SOHLH2: variants seen among roughly 807,000 people sequenced by gnomAD.
SOHLH2 encodes the protein spermatogenesis and oogenesis specific basic helix-loop-helix 2.
A neutral mutation model predicts 50.4 loss-of-function variants in SOHLH2; 22 were observed. That is an observed-to-expected ratio of 0.44 (90% CI 0.31 to 0.62). SOHLH2 has a LOEUF of 0.62. Among genes scored for constraint, SOHLH2 ranks in the 20% least tolerant of loss-of-function variants. SOHLH2 has a pLI of 0.08. For synonymous variants in SOHLH2, 185 were observed against 187.3 expected, an observed-to-expected ratio of 0.99 and a Z score of 0.10; for missense variants, 412 against 504.4, an observed-to-expected ratio of 0.82 and a Z score of 1.76.
At chr13:36,174,281 A>T (rs898592348) in intron 8 of SOHLH2, among the ~76,000 whole-genome samples, 195 bp downstream of exon 8, 7 of 152,152 alleles carry the variant, frequency 4.6e-5, no homozygotes, top group Admixed American at 1.3e-4. Context: ...ATGATGAAAA[A>T]ACCATGGACC....
In SOHLH2 at chr13:36,170,728, T is replaced by A. The variant is rs775476796; in HGVS notation, c.1060A>T (p.Ser354Cys). The change falls in exon 10 of 11, where the codon AGT (serine) becomes TGT (cysteine). Residue 354 changes from serine to cysteine, a missense_variant. By Grantham distance (112) the Ser-to-Cys change is moderately radical. Transcript: ENST00000379881. ...AAGGAATTCAGAGACAGCGCTGCAC[T>A]GGAAATGTGAGTTTTATATGGATCA... Reference protein sequence around the residue: ...IGDPYKTHISSAALSLNSLHT... With the variant: ...IGDPYKTHISCAALSLNSLHT... 1 of 1,614,212 alleles carries A rather than the reference T, an allele frequency of 6.2e-7. No homozygotes were observed. Among genetic ancestry groups the A allele is most frequent in the South Asian group, 1.1e-5 (1 of 91,082 alleles).
chr13:36,208,980 G>C (rs1868943794), intron 1 of SOHLH2, among the ~76,000 whole-genome samples: 2 of 152,132 alleles, frequency 1.3e-5, no homozygotes, highest in South Asian at 4.1e-4. Context: ...TCTAGGCTGT[G>C]TTTAAGTATA....
intron 6 of SOHLH2, among the ~76,000 whole-genome samples, chr13:36,189,303 C>T (rs919928267): frequency 6.6e-6 from 1 of 152,070 alleles, no homozygotes; most frequent in Non-Finnish European, 1.5e-5. Flanking sequence ...TAGCAACTGC[C>T]CAACAGACTA....
At chr13:36,171,047 G>A (rs1023806611) in intron 9 of SOHLH2, among the ~76,000 whole-genome samples, 10 of 152,168 alleles carry the variant, frequency 6.6e-5, no homozygotes, top group African/African-American at 2.4e-4. Flanking sequence ...GCCTTCTGAT[G>A]TATGTGAATG....
intron 1 of SOHLH2, among the ~76,000 whole-genome samples, chr13:36,206,227 T>G (rs543883830): frequency 4.0e-4 from 61 of 152,106 alleles, no homozygotes; most frequent in African/African-American, 1.4e-3. Flanking sequence ...GTGGTAAGTG[T>G]GGATTATCAG....
chr13:36,206,895 T>C (rs1490434357), intron 1 of SOHLH2, among the ~76,000 whole-genome samples: 1 of 151,442 alleles, frequency 6.6e-6, no homozygotes, highest in Non-Finnish European at 1.5e-5. Context: ...TAACAACATA[T>C]GTAATCTATG....
intron 1 of SOHLH2, among the ~76,000 whole-genome samples, chr13:36,207,974 T>A (rs1182922389): frequency 2.0e-5 from 3 of 152,188 alleles, no homozygotes; most frequent in Non-Finnish European, 4.4e-5. Context: ...CACTGTTAAG[T>A]CACTTGTTTA....
rs1018968359 is a variant in SOHLH2, at chr13:36,202,015, T to C, written c.127A>G (p.Ile43Val). The C allele has an allele frequency of 5.6e-5, 91 of 1,614,112 alleles. No homozygotes were observed. Among genetic ancestry groups the C allele is most frequent in the Non-Finnish European group, 7.5e-5 (89 of 1,180,044 alleles). Residue 43 changes from isoleucine (I) to valine (V), a missense_variant, in exon 2 of 11, where the codon ATA becomes GTA. By Grantham distance (29) the Ile-to-Val change is conservative (BLOSUM62 3). Coordinates refer to ENST00000379881, the MANE Select transcript of SOHLH2 (RefSeq NM_017826.3). ...ADTVQKLFAN[I>V]AEVTITISDT... ...CTGATGGTGATGGTGACTTCTGCTA[T>C]GTTTGCAAATAGTTTCTGTACAGTA...
Position 36,170,632 on chromosome 13 carries a change from A to G in SOHLH2, c.1156T>C (p.Ser386Pro). ...DATAVTNQNI[S>P]IHLPSAMPPV... The stretch of plus-strand genomic sequence containing the variant: ...GGCATGGCTGAAGGTAAATGAATTG[A>G]AATGTTCTGATTTGTTACAGCAGTT... Residue 386 changes from serine to proline, a missense_variant, in exon 10 of 11, where the codon TCA (serine) becomes CCA (proline). Coordinates refer to ENST00000379881, the MANE Select transcript of SOHLH2 (RefSeq NM_017826.3). The G allele has an allele frequency of 6.2e-7, 1 of 1,614,142 alleles. No individual in the cohort carries two copies. The highest frequency in any genetic ancestry group is 8.5e-7 in the Non-Finnish European group (1 of 1,180,018).
chr13:36,191,833 G>A lies in SOHLH2; in HGVS notation c.492C>T (p.Ser164=), dbSNP rs9602419. The change falls in exon 5 of 11, where the codon AGC becomes AGT. Residue 164 remains serine (S), a synonymous_variant. Transcript: ENST00000379881. The part of the protein sequence containing the change: ...ELGLPLQRSY[S]EHLGYFPTDL... ...CAGTAGGAAAATATCCCAGGTGTTC[G>A]CTGTAGGACCTCTGCAGGGGCAATC... The A allele has an allele frequency of 9.9e-3, 15,994 of 1,613,844 alleles. 274 individuals are homozygous for A. Among genetic ancestry groups the A allele is most frequent in the African/African-American group, 0.063 (4,721 of 74,972 alleles).
intron 6 of SOHLH2, among the ~76,000 whole-genome samples, chr13:36,186,877 C>T (rs1398602779): frequency 6.6e-6 from 1 of 152,052 alleles, no homozygotes; most frequent in Admixed American, 6.6e-5. Flanking sequence ...TGCCCTACTG[C>T]TTAAAAACAA....
At position 36,201,864 on chromosome 13, in the gene SOHLH2, G is replaced by A; in HGVS notation, c.263+15C>T. On this transcript the variant is annotated intron_variant, in intron 2 of 10. Coordinates refer to ENST00000379881, the MANE Select transcript of SOHLH2 (RefSeq NM_017826.3). Reference sequence around the variant, plus strand: ...ATGATTCTAAAGATACAGCATCAAGGCTTTTGAAGTTTACCTAATTAACTT... The same window carrying A: ...ATGATTCTAAAGATACAGCATCAAGACTTTTGAAGTTTACCTAATTAACTT... 6.2e-7 allele frequency: 1 copy of A among 1,614,004 alleles called. No homozygotes were observed. The highest frequency in any genetic ancestry group is 8.5e-7 in the Non-Finnish European group (1 of 1,179,964).
chr13:36,214,300 G>A (rs1020150974), intron 1 of SOHLH2, among the ~76,000 whole-genome samples, 179 bp downstream of exon 1: 2 of 152,088 alleles, frequency 1.3e-5, no homozygotes, highest in Non-Finnish European at 2.9e-5. Flanking sequence ...TCCCCAGCTC[G>A]GGGCGCCGGG....
intron 1 of SOHLH2, among the ~76,000 whole-genome samples, chr13:36,211,858 G>T (rs1340837056): frequency 6.6e-6 from 1 of 152,186 alleles, no homozygotes; most frequent in Non-Finnish European, 1.5e-5. Context: ...AGGACCAGGG[G>T]AGAGAGGAAA....
rs773957071 is a variant in SOHLH2 at position 36,174,494 on chromosome 13, C to A, written c.863G>T (p.Gly288Val). Reference protein sequence around the residue: ...QQTPIELSLPGTVMAQRENSV... With the variant: ...QQTPIELSLPVTVMAQRENSV... Reference sequence around the variant, plus strand: ...ATCATACCGCTGTGCCATGACAGTGCCTGGGAGAGACAGCTCAATGGGTGT... The same window carrying A: ...ATCATACCGCTGTGCCATGACAGTGACTGGGAGAGACAGCTCAATGGGTGT... Residue 288 changes from glycine (G) to valine (V), a missense_variant, in exon 8 of 11, where the codon GGC becomes GTC. Gly to Val is a moderately radical substitution (Grantham distance 109, BLOSUM62 -3). Coordinates refer to ENST00000379881, the MANE Select transcript of SOHLH2 (RefSeq NM_017826.3). 4 of 1,614,012 alleles carry A rather than the reference C, an allele frequency of 2.5e-6. No homozygotes were observed. Among genetic ancestry groups the A allele is most frequent in the South Asian group, 2.2e-5 (2 of 91,076 alleles).
At chr13:36,169,121 T>C (rs919263617) in intron 10 of SOHLH2, 67 bp from the exon 11 acceptor site, 62 of 1,553,254 alleles carry the variant, frequency 4.0e-5, no homozygotes, top group Non-Finnish European at 5.2e-5. Flanking sequence ...AATGTCATGA[T>C]TGTATTTTCT....
At position 36,168,910 on chromosome 13, in the gene SOHLH2, T is replaced by A; in HGVS notation, c.*124A>T. 1 of 1,455,686 alleles carries A rather than the reference T, an allele frequency of 6.9e-7. No homozygotes were observed. Among genetic ancestry groups the A allele is most frequent in the African/African-American group, 1.4e-5 (1 of 69,134 alleles). 90.2% of individuals were successfully genotyped at this position (1,455,686 alleles called of 1,614,324 possible). ...AGTGCATTTATCAGAAGCCAAACCA[T>A]GCCAACTCTTTTGATATTAGGTCTT... On this transcript the variant is annotated 3_prime_UTR_variant, in exon 11 of 11. Coordinates refer to ENST00000379881, the MANE Select transcript of SOHLH2 (RefSeq NM_017826.3).
chr13:36,207,167 T>C (rs1015994096), intron 1 of SOHLH2, among the ~76,000 whole-genome samples: 1 of 152,104 alleles, frequency 6.6e-6, no homozygotes, highest in Admixed American at 6.6e-5. Flanking sequence ...GTAATTACAT[T>C]ACTGACATTA....
intron 2 of SOHLH2, 120 bp downstream of exon 2, chr13:36,201,752 GAGCCAAT>G: frequency 7.2e-7 from 1 of 1,380,146 alleles, no homozygotes. Context: ...TTACACGCAT[GAGCCAAT>G]CCCTGGCCCC....
Sources: allele counts gnomAD v4.1 joint callset (sites outside exome capture counted in the v4.1 genomes callset), GRCh38; gene constraint gnomAD v4.1.1; transcripts MANE v1.5; gene names NCBI Gene and HGNC (gene_info 2026-07-23, HGNC 2026-07-21).